The following GABPB2 variants were observed in gnomAD, a reference collection of about 807,000 sequenced individuals.
GABPB2 encodes GA binding protein transcription factor subunit beta 2.
GABPB2 carries 23 observed loss-of-function variants against 39.1 expected under a neutral mutation model. The observed-to-expected ratio is 0.59, with a 90% confidence interval of 0.42 to 0.83. The LOEUF (loss-of-function observed/expected upper bound fraction) is 0.83, where lower values mean the gene tolerates loss of function less well. GABPB2 is among the 40% of genes least tolerant of loss of function. The probability of loss-of-function intolerance (pLI) is 0.00; values close to 1 mark genes in which losing one functional copy is unlikely to be tolerated. For synonymous variants in GABPB2, 184 were observed against 199.3 expected, an observed-to-expected ratio of 0.92 and a Z score of 0.65; for missense variants, 467 against 541.1, an observed-to-expected ratio of 0.86 and a Z score of 1.36.
At chr1:151,116,357 C>T (rs865989503) in intron 7 of GABPB2, among the ~76,000 whole-genome samples, 3 of 149,236 alleles carry the variant, frequency 2.0e-5, no homozygotes, top group Admixed American at 6.8e-5. Context: ...CCAGAGATCA[C>T]GCCATTGCAC....
chr1:151,104,155 A>G (rs895438338), intron 6 of GABPB2, among the ~76,000 whole-genome samples: 2 of 152,184 alleles, frequency 1.3e-5, no homozygotes, highest in Non-Finnish European at 2.9e-5. Context: ...TGGCATTTCC[A>G]AAGGAGTTGA....
At position 151,121,456 on chromosome 1, in the gene GABPB2, G is replaced by C. The variant is rs1356357605; in HGVS notation, c.*3200G>C. ...TCTTTTTCTTTTTCTTTTTTTTTTT[G>C]AGACGGAGTTTCACTCTTGTTGCCC... On this transcript the variant is annotated 3_prime_UTR_variant, in exon 9 of 9. Coordinates refer to ENST00000368918, the MANE Select transcript of GABPB2 (RefSeq NM_144618.3). 7.0e-6 allele frequency: 1 copy of C among 143,024 alleles called. No homozygotes were observed. Among genetic ancestry groups the C allele is most frequent in the Non-Finnish European group, 1.5e-5 (1 of 66,040 alleles). 8.9% of individuals were successfully genotyped at this position (143,024 alleles called of 1,614,324 possible).
intron 6 of GABPB2, among the ~76,000 whole-genome samples, chr1:151,106,442 A>T (rs1353951201): frequency 1.3e-5 from 2 of 152,118 alleles, no homozygotes; most frequent in Admixed American, 6.5e-5. Context: ...GGCTCAAGCG[A>T]TTCTCGTGCC....
intron 7 of GABPB2, among the ~76,000 whole-genome samples, chr1:151,115,354 G>T (rs368690012): frequency 6.6e-6 from 1 of 151,326 alleles, no homozygotes; most frequent in Non-Finnish European, 1.5e-5. Context: ...ATGAAACTCC[G>T]TCTCAAAAGA....
intron 7 of GABPB2, among the ~76,000 whole-genome samples, chr1:151,108,542 C>T (rs1680147591): frequency 6.6e-6 from 1 of 151,940 alleles, no homozygotes; most frequent in Non-Finnish European, 1.5e-5. Context: ...TGTTCTGTCA[C>T]CCAGGCTTGT....
chr1:151,106,478 C>T (rs1292757662), intron 6 of GABPB2, among the ~76,000 whole-genome samples: 3 of 152,040 alleles, frequency 2.0e-5, no homozygotes, highest in African/African-American at 7.2e-5. Flanking sequence ...GCTGGAACTA[C>T]AGGCACGTGC....
At chr1:151,075,898 G>T (rs956442042) in intron 1 of GABPB2, among the ~76,000 whole-genome samples, 2 of 151,998 alleles carry the variant, frequency 1.3e-5, no homozygotes, top group Non-Finnish European at 2.9e-5. Flanking sequence ...AATCCTAGGG[G>T]TTACAAAGAA....
At chr1:151,088,009 C>G (rs1047184554) in intron 1 of GABPB2, 181 bp from the exon 2 acceptor site, 10 of 549,510 alleles carry the variant, frequency 1.8e-5, no homozygotes, top group Non-Finnish European at 2.6e-5. Context: ...GGGCTTGAAA[C>G]ATTCCCAAAT....
At chr1:151,074,489 T>G (rs1200695102) in intron 1 of GABPB2, among the ~76,000 whole-genome samples, 2 of 148,924 alleles carry the variant, frequency 1.3e-5, no homozygotes, top group African/African-American at 4.9e-5. Flanking sequence ...TTTTTTTTTT[T>G]TTTGTATTTT....
At chr1:151,115,226 G>A (rs1379751029) in intron 7 of GABPB2, among the ~76,000 whole-genome samples, 1 of 151,666 alleles carries the variant, frequency 6.6e-6, no homozygotes, top group African/African-American at 2.4e-5. Flanking sequence ...CGAGTGTGGT[G>A]GCACATGCCT....
At position 151,124,754 on chromosome 1, in the gene GABPB2, A is replaced by G. The variant is rs1011606691; in HGVS notation, c.*6498A>G. On this transcript the variant is annotated 3_prime_UTR_variant, in exon 9 of 9. Transcript: ENST00000368918. ...TCTGTCTCTATTTTATGTGGTGACT[A>G]TATCTCAGAAGTACTACCCCTTCTG... is the stretch of plus-strand genomic sequence containing the variant. 4.6e-5 allele frequency: 7 copies of G among 152,092 alleles called. No individual in the cohort carries two copies. Among genetic ancestry groups the G allele is most frequent in the Admixed American group, 1.3e-4 (2 of 15,260 alleles). 9.4% of individuals were successfully genotyped at this position (152,092 alleles called of 1,614,324 possible). A position where few individuals can be genotyped will look rare whatever the true frequency, so the allele number is the denominator to read the frequency against.
At chr1:151,110,501 A>G (rs908608998) in intron 7 of GABPB2, among the ~76,000 whole-genome samples, 12 of 151,944 alleles carry the variant, frequency 7.9e-5, no homozygotes, top group Admixed American at 4.6e-4. Flanking sequence ...TTTTAAATTT[A>G]TGTATTTATT....
chr1:151,091,825 G>T (rs993407152), intron 3 of GABPB2, among the ~76,000 whole-genome samples: 1 of 151,992 alleles, frequency 6.6e-6, no homozygotes, highest in African/African-American at 2.4e-5. Flanking sequence ...TTTTGTCCTG[G>T]CTGGAGAGCA....
chr1:151,098,349 T>C (rs770348437), intron 5 of GABPB2, among the ~76,000 whole-genome samples: 1 of 151,634 alleles, frequency 6.6e-6, no homozygotes, highest in Non-Finnish European at 1.5e-5. Flanking sequence ...CTACTAAAAA[T>C]AAATTGGATG....
Position 151,090,394 on chromosome 1 carries a change from A to G in GABPB2, c.109-12A>G. The G allele has an allele frequency of 1.2e-6, 2 of 1,612,756 alleles. No individual in the cohort carries two copies. Among genetic ancestry groups the G allele is most frequent in the Non-Finnish European group, 1.7e-6 (2 of 1,179,152 alleles). On this transcript the variant is annotated splice_polypyrimidine_tract_variant and intron_variant, in intron 2 of 8. Coordinates refer to ENST00000368918, the MANE Select transcript of GABPB2 (RefSeq NM_144618.3). ...ACACAGTGGATATTCAATGAGCATT[A>G]TTTTTCCACAGCTTGGAACATCACC... is the stretch of plus-strand genomic sequence containing the variant.
At chr1:151,100,162 T>G (rs1679403169) in intron 5 of GABPB2, among the ~76,000 whole-genome samples, 1 of 146,630 alleles carries the variant, frequency 6.8e-6, no homozygotes, top group South Asian at 2.1e-4. Flanking sequence ...TTTTTTTTTT[T>G]GAGACGGAGT....
intron 5 of GABPB2, among the ~76,000 whole-genome samples, 190 bp downstream of exon 5, chr1:151,098,192 T>C (rs1420535354): frequency 6.6e-6 from 1 of 152,164 alleles, no homozygotes; most frequent in East Asian, 1.9e-4. Flanking sequence ...ACATAGGGAT[T>C]ACAAAGGAAT....
intron 1 of GABPB2, among the ~76,000 whole-genome samples, chr1:151,080,693 C>A (rs587597061): frequency 6.7e-6 from 1 of 149,472 alleles, no homozygotes; most frequent in African/African-American, 2.4e-5. Context: ...ACTAAAAATA[C>A]AAGTATTAGC....
intron 1 of GABPB2, among the ~76,000 whole-genome samples, chr1:151,081,241 C>A (rs1677667617): frequency 6.6e-6 from 1 of 151,740 alleles, no homozygotes; most frequent in South Asian, 2.1e-4. Context: ...ATAATCCCAG[C>A]ACTTTGGGAG....
Sources: gnomAD v4.1 joint callset for allele counts (sites outside exome capture counted in the v4.1 genomes callset) on GRCh38, gnomAD v4.1.1 for gene constraint, MANE v1.5 for transcripts, NCBI Gene and HGNC (gene_info 2026-07-23, HGNC 2026-07-21) for gene names.